The following XRRA1 variants were observed in gnomAD, a reference collection of about 807,000 sequenced individuals.
The protein encoded by XRRA1 is X-ray radiation resistance associated 1.
Under a neutral mutation model 80.2 loss-of-function variants are expected in XRRA1, and 69 were observed. The observed-to-expected ratio is 0.86, with a 90% CI of 0.71 to 1.05. XRRA1 has a LOEUF of 1.05. Among genes scored for constraint, XRRA1 ranks in the 50% least tolerant of loss-of-function variants. The pLI is 0.00. For synonymous variants in XRRA1, 348 were observed against 389.9 expected, an observed-to-expected ratio of 0.89 and a Z score of 1.27; for missense variants, 967 against 976.4, an observed-to-expected ratio of 0.99 and a Z score of 0.13.
intron 6 of XRRA1, among the ~76,000 whole-genome samples, chr11:74,929,448 T>G (rs1184912465): frequency 1.3e-5 from 2 of 149,660 alleles, no homozygotes; most frequent in Non-Finnish European, 3.0e-5. Flanking sequence ...GCCACTGAGC[T>G]TCTCTATTTA....
chr11:74,857,434 T>C (rs376249081), intron 12 of XRRA1, among the ~76,000 whole-genome samples: 4 of 151,006 alleles, frequency 2.6e-5, no homozygotes, highest in South Asian at 4.2e-4. Context: ...TTGGTAGATA[T>C]AAATGTATCT....
At chr11:74,882,233 T>G (rs1373347383) in intron 10 of XRRA1, among the ~76,000 whole-genome samples, 6 of 151,700 alleles carry the variant, frequency 4.0e-5, no homozygotes, top group African/African-American at 1.4e-4. Context: ...TTCTCTAAAC[T>G]TCCCTTCTCG....
intron 10 of XRRA1, among the ~76,000 whole-genome samples, chr11:74,904,846 T>C (rs896102893): frequency 2.7e-5 from 2 of 73,414 alleles, no homozygotes; most frequent in Admixed American, 3.2e-4. Flanking sequence ...CCTACCAAGA[T>C]AAAAGTCACA....
intron 8 of XRRA1, chr11:74,920,008 A>C (rs867317221): frequency 0.071 from 4,084 of 57,532 alleles, 93 homozygotes; most frequent in Non-Finnish European, 0.096. Context: ...TAAAACTGCA[A>C]AAAAAAAAAA....
rs900542729 is a variant in XRRA1, at chr11:74,929,964, T to C, written c.424+336A>G. ...GTGGACTTGCTGAATAAGAAGGCTT[T>C]ATGCTCCTACAGGAGTACTTTACAG... On this transcript the variant is annotated intron_variant, in intron 6 of 18. Transcript: ENST00000684022. 2.0e-5 allele frequency among the ~76,000 whole-genome samples: 3 copies of C among 152,166 alleles called. No individual in the cohort carries two copies. In the South Asian group the frequency reaches 6.2e-4, roughly 31 times the overall value.
At chr11:74,861,759 G>A (rs1051721049) in intron 11 of XRRA1, among the ~76,000 whole-genome samples, 3 of 152,184 alleles carry the variant, frequency 2.0e-5, no homozygotes, top group Non-Finnish European at 4.4e-5. Flanking sequence ...AACTGTGATT[G>A]TAAGTATAAC....
chr11:74,848,743 A>C (rs1224138125), intron 14 of XRRA1, among the ~76,000 whole-genome samples: 1 of 152,210 alleles, frequency 6.6e-6, no homozygotes, highest in Non-Finnish European at 1.5e-5. Flanking sequence ...TCCAAGTCCC[A>C]GAGTGATTTG....
At chr11:74,938,811 C>T (rs118083179) in intron 3 of XRRA1, among the ~76,000 whole-genome samples, 8 of 152,126 alleles carry the variant, frequency 5.3e-5, no homozygotes, top group East Asian at 1.9e-4. Flanking sequence ...GCCTGCCCTA[C>T]GAATTTTGGA....
At chr11:74,857,246 TAA>T (rs902345311) in intron 12 of XRRA1, among the ~76,000 whole-genome samples, 3 of 152,076 alleles carry the variant, frequency 2.0e-5, no homozygotes, top group African/African-American at 4.8e-5. Context: ...ATATGCTGTC[TAA>T]AAGAGACACA....
At chr11:74,882,805 C>G (rs2047994044) in intron 10 of XRRA1, among the ~76,000 whole-genome samples, 1 of 152,192 alleles carries the variant, frequency 6.6e-6, no homozygotes, top group African/African-American at 2.4e-5. Context: ...GGGGGGGTGC[C>G]TCCCAGTTAG....
intron 10 of XRRA1, chr11:74,863,270 G>A (rs1222454955): frequency 3.9e-6 from 2 of 513,512 alleles, no homozygotes; most frequent in Non-Finnish European, 7.0e-6. Flanking sequence ...GCATGATTGG[G>A]CCCCTGCCTA....
At chr11:74,870,049 A>G (rs1193216589) in intron 10 of XRRA1, among the ~76,000 whole-genome samples, 2 of 152,116 alleles carry the variant, frequency 1.3e-5, no homozygotes, top group East Asian at 3.9e-4. Flanking sequence ...GCAGACCCCA[A>G]ATCTTTACTT....
At chr11:74,868,637 C>T (rs77292106) in intron 10 of XRRA1, among the ~76,000 whole-genome samples, 3,733 of 150,584 alleles carry the variant, frequency 0.025, 161 homozygotes, top group African/African-American at 0.086. Context: ...TGAAAGCAAA[C>T]GGATGGAGAA....
intron 10 of XRRA1, among the ~76,000 whole-genome samples, chr11:74,886,208 C>T (rs1350784143): frequency 6.6e-6 from 1 of 152,104 alleles, no homozygotes; most frequent in Non-Finnish European, 1.5e-5. Flanking sequence ...CAAGTCCTAG[C>T]CAGAGCAATC....
At chr11:74,916,061 G>A (rs866530630) in intron 8 of XRRA1, among the ~76,000 whole-genome samples, 1 of 152,016 alleles carries the variant, frequency 6.6e-6, no homozygotes, top group Non-Finnish European at 1.5e-5. Context: ...AAGATTCCTT[G>A]TATGTGATGA....
intron 15 of XRRA1, among the ~76,000 whole-genome samples, chr11:74,847,875 CTG>C (rs1225792566): frequency 1.3e-5 from 2 of 152,216 alleles, no homozygotes; most frequent in African/African-American, 4.8e-5. Context: ...CAGATCTTGA[CTG>C]TGCCACAGAA....
At chr11:74,930,237 C>T (rs1027603736) in intron 6 of XRRA1, 63 bp downstream of exon 6, 3 of 1,329,056 alleles carry the variant, frequency 2.3e-6, no homozygotes, top group Non-Finnish European at 3.2e-6. Context: ...CAAATCCTAA[C>T]ACACGTGAAT....
At chr11:74,912,137 T>C (rs946477246) in intron 8 of XRRA1, among the ~76,000 whole-genome samples, 1 of 152,180 alleles carries the variant, frequency 6.6e-6, no homozygotes, top group East Asian at 1.9e-4. Context: ...GTCAGGAATT[T>C]AGCTTAAGCT....
intron 7 of XRRA1, among the ~76,000 whole-genome samples, chr11:74,922,751 G>A (rs1591446751): frequency 6.6e-6 from 1 of 152,150 alleles, no homozygotes; most frequent in Non-Finnish European, 1.5e-5. Flanking sequence ...TGCAGACCTG[G>A]GTGTTTAAGT....
Sources: gnomAD v4.1 joint callset for allele counts (sites outside exome capture counted in the v4.1 genomes callset) on GRCh38, gnomAD v4.1.1 for gene constraint, MANE v1.5 for transcripts, NCBI Gene and HGNC (gene_info 2026-07-23, HGNC 2026-07-21) for gene names.